SLC27A2: variants seen among roughly 807,000 people sequenced by gnomAD.
SLC27A2 encodes solute carrier family 27 member 2.
In SLC27A2, 54 loss-of-function variants were observed where a neutral mutation model predicts 60.0. That is an observed-to-expected ratio of 0.90 (90% CI 0.72 to 1.13). The LOEUF is 1.13. Ranked by LOEUF, SLC27A2 falls within the 50% of genes most tolerant of loss-of-function variation. SLC27A2 has a pLI of 0.00. For synonymous variants in SLC27A2, 297 were observed against 297.6 expected, an observed-to-expected ratio of 1.00 and a Z score of 0.02; for missense variants, 739 against 777.6, an observed-to-expected ratio of 0.95 and a Z score of 0.59.
intron 4 of SLC27A2, among the ~76,000 whole-genome samples, chr15:50,208,404 G>T (rs1262724207): frequency 6.6e-6 from 1 of 152,190 alleles, no homozygotes; most frequent in Non-Finnish European, 1.5e-5. Flanking sequence ...ATTGGAGCAG[G>T]ATAGTTAACC....
intron 1 of SLC27A2, among the ~76,000 whole-genome samples, chr15:50,193,862 G>T (rs1033023733): frequency 1.3e-5 from 2 of 152,154 alleles, no homozygotes; most frequent in Non-Finnish European, 2.9e-5. Flanking sequence ...AGGAGAAAAT[G>T]AATTAAACCA....
intron 1 of SLC27A2, among the ~76,000 whole-genome samples, chr15:50,195,861 C>CTGG (rs1269373947): frequency 2.0e-5 from 3 of 149,968 alleles, no homozygotes; most frequent in Non-Finnish European, 4.4e-5. Context: ...TGAGACCATC[C>CTGG]TGGCTAACAC....
At chr15:50,203,141 T>C (rs2045079466) in intron 3 of SLC27A2, among the ~76,000 whole-genome samples, 1 of 152,022 alleles carries the variant, frequency 6.6e-6, no homozygotes, top group Non-Finnish European at 1.5e-5. Context: ...TGAGCTGTGA[T>C]TGCACCACTG....
intron 4 of SLC27A2, chr15:50,222,055 T>C (rs1044106384): frequency 3.3e-5 from 5 of 152,304 alleles, no homozygotes; most frequent in African/African-American, 1.2e-4. Flanking sequence ...TGGACATATT[T>C]GTGGGGTCTC....
intron 4 of SLC27A2, among the ~76,000 whole-genome samples, chr15:50,222,600 T>A (rs2045251024): frequency 6.6e-6 from 1 of 152,240 alleles, no homozygotes; most frequent in African/African-American, 2.4e-5. Context: ...AAGAAAACTA[T>A]GAACATATTA....
intron 1 of SLC27A2, among the ~76,000 whole-genome samples, chr15:50,196,354 C>A (rs2045023925): frequency 6.6e-6 from 1 of 151,330 alleles, no homozygotes; most frequent in South Asian, 2.1e-4. Context: ...AATGAACAGC[C>A]CTGTTCATCT....
At chr15:50,185,616 G>A (rs373987915) in intron 1 of SLC27A2, among the ~76,000 whole-genome samples, 7 of 141,668 alleles carry the variant, frequency 4.9e-5, no homozygotes, top group African/African-American at 1.1e-4. Flanking sequence ...CACCTAGGAA[G>A]CTTACTTTTT....
At chr15:50,195,723 A>G (rs1360100770) in intron 1 of SLC27A2, among the ~76,000 whole-genome samples, 1 of 151,878 alleles carries the variant, frequency 6.6e-6, no homozygotes, top group Non-Finnish European at 1.5e-5. Context: ...ATACACAAAC[A>G]TCTGAAAAAC....
chr15:50,210,943 G>A (rs2045150053), intron 4 of SLC27A2, among the ~76,000 whole-genome samples: 1 of 152,114 alleles, frequency 6.6e-6, no homozygotes, highest in Admixed American at 6.6e-5. Flanking sequence ...CAGTGACCTG[G>A]GAATCTCGCC....
intron 4 of SLC27A2, among the ~76,000 whole-genome samples, chr15:50,217,788 G>T (rs1362541104): frequency 6.6e-6 from 1 of 152,180 alleles, no homozygotes; most frequent in Non-Finnish European, 1.5e-5. Context: ...AGGCACGGTG[G>T]CTCACGCCTG....
At chr15:50,194,213 G>A (rs2044996503) in intron 1 of SLC27A2, among the ~76,000 whole-genome samples, 1 of 152,076 alleles carries the variant, frequency 6.6e-6, no homozygotes, top group South Asian at 2.1e-4. Flanking sequence ...GTAAATACGG[G>A]CTCCTATGGG....
At chr15:50,194,979 G>C (rs369709152) in intron 1 of SLC27A2, among the ~76,000 whole-genome samples, 4 of 152,268 alleles carry the variant, frequency 2.6e-5, no homozygotes, top group African/African-American at 9.6e-5. Flanking sequence ...ATAAAGCTGG[G>C]AAGACAGAAT....
chr15:50,184,094 G>A (rs1337477346), intron 1 of SLC27A2, among the ~76,000 whole-genome samples: 5 of 144,808 alleles, frequency 3.5e-5, no homozygotes, highest in African/African-American at 7.5e-5. Context: ...AGGCTCAAGC[G>A]ATCCTCCCAG....
chr15:50,193,281 G>GGGGAAT (rs1470854830), intron 1 of SLC27A2, among the ~76,000 whole-genome samples: 12 of 152,152 alleles, frequency 7.9e-5, no homozygotes, highest in African/African-American at 2.9e-4. Context: ...TTCCCCTGTT[G>GGGGAAT]TGACACCTGT....
intron 4 of SLC27A2, among the ~76,000 whole-genome samples, chr15:50,212,085 A>AT (rs1477782866): frequency 6.6e-6 from 1 of 150,998 alleles, no homozygotes. Flanking sequence ...AAAAAAAAAA[A>AT]AAAAAGTAAA....
chr15:50,191,950 C>T (rs926176375), intron 1 of SLC27A2, among the ~76,000 whole-genome samples: 3 of 151,764 alleles, frequency 2.0e-5, no homozygotes, highest in African/African-American at 7.3e-5. Flanking sequence ...ATCCCAGCTA[C>T]TCGGGAGGCT....
intron 1 of SLC27A2, among the ~76,000 whole-genome samples, chr15:50,196,304 A>G (rs1030003918): frequency 3.3e-5 from 5 of 151,270 alleles, no homozygotes; most frequent in South Asian, 2.1e-4. Context: ...TGCGTGACCC[A>G]GTACCCACAC....
rs538878246 is a variant in SLC27A2, at chr15:50,209,900, A to G, written c.972+4537A>G. On this transcript the variant is annotated intron_variant, in intron 4 of 9. Transcript: ENST00000267842. ...ACCATCATCTCAGAAACTAAGAGAC[A>G]TTGCAACCATGAACTACATAGTATA... Among the ~76,000 whole-genome samples the G allele has an allele frequency of 8.5e-5, 13 of 152,320 alleles. No homozygotes were observed. The South Asian group carries it at 2.7e-3, about 32-fold the overall frequency.
In SLC27A2 at chr15:50,223,017, G is replaced by T. The variant is rs2045254272; in HGVS notation, c.1025G>T (p.Arg342Leu). ...KVRLALGNGL[R>L]GDVWRQFVKR... is the part of the protein sequence containing the mutation. ...AGACTGGCACTGGGAAATGGCTTACGAGGAGATGTGTGGAGACAATTTGTC... is the reference window on the plus strand; with the variant it reads ...AGACTGGCACTGGGAAATGGCTTACTAGGAGATGTGTGGAGACAATTTGTC... Residue 342 changes from arginine (R) to leucine (L), a missense_variant, in exon 5 of 10, where the codon CGA becomes CTA. Coordinates refer to ENST00000267842, the MANE Select transcript of SLC27A2 (RefSeq NM_003645.4). The T allele has an allele frequency of 6.2e-7, 1 of 1,613,758 alleles. No individual in the cohort carries two copies. The highest frequency in any genetic ancestry group is 8.5e-7 in the Non-Finnish European group (1 of 1,179,882).
Sources: gnomAD v4.1 joint callset for allele counts (sites outside exome capture counted in the v4.1 genomes callset) on GRCh38, gnomAD v4.1.1 for gene constraint, MANE v1.5 for transcripts, NCBI Gene and HGNC (gene_info 2026-07-23, HGNC 2026-07-21) for gene names.